MAP2K5: variants seen among roughly 807,000 people sequenced by gnomAD.
MAP2K5 encodes the protein dual specificity mitogen-activated protein kinase kinase 5.
MAP2K5 carries 49 observed loss-of-function variants against 83.1 expected under a neutral mutation model. The observed-to-expected ratio is 0.59, with a 90% confidence interval of 0.47 to 0.75. The LOEUF is 0.75. Ranked by LOEUF, MAP2K5 falls within the 30% of genes least tolerant of loss-of-function variation. MAP2K5 has a pLI of 0.00. For synonymous variants in MAP2K5, 202 were observed against 191.8 expected (o/e 1.05, Z -0.44); for missense variants, 457 against 557.5 (o/e 0.82, Z 1.82).
rs2089639605 is a variant in MAP2K5 at position 67,747,965 on chromosome 15, T to G, written c.1075-266T>G. 2.0e-5 allele frequency among the ~76,000 whole-genome samples: 3 copies of G among 152,228 alleles called. No individual in the cohort carries two copies. The South Asian group carries it at 6.2e-4, about 32-fold the overall frequency. ...ATTTATATCTGAATCGTAAACAGCC[T>G]TTTGAAATGGATTATGGTTTTTCTC... is the stretch of plus-strand genomic sequence containing the variant. On this transcript the variant is annotated intron_variant, in intron 17 of 21. Transcript: ENST00000178640. The surrounding 1 kb of genome is among the most constrained non-coding windows in gnomAD (Gnocchi z 4.1).
At chr15:67,703,927 T>C (rs1223562394) in intron 16 of MAP2K5, among the ~76,000 whole-genome samples, 2 of 152,166 alleles carry the variant, frequency 1.3e-5, no homozygotes, top group Non-Finnish European at 2.9e-5. Flanking sequence ...TATAGTCTTA[T>C]CACATGTGTA....
Position 67,794,742 on chromosome 15 carries a change from T to A in MAP2K5, c.1243-11904T>A, listed in dbSNP as rs916186008. Among the ~76,000 whole-genome samples, 3 of 152,236 alleles carry A rather than the reference T, an allele frequency of 2.0e-5. No individual in the cohort carries two copies. Among genetic ancestry groups the A allele is most frequent in the Non-Finnish European group, 2.9e-5 (2 of 68,046 alleles). ...GTGTCTAGCAATTTTTTCCTCTGTA[T>A]TTTTTGTTGATTTGATAGCAGCAAA... On this transcript the variant is annotated intron_variant, in intron 21 of 21. Coordinates refer to ENST00000178640, the MANE Select transcript of MAP2K5 (RefSeq NM_145160.3). The surrounding 1 kb of genome is among the most constrained non-coding windows in gnomAD (Gnocchi z 4.6).
At chr15:67,791,882 G>A (rs1480709887) in intron 21 of MAP2K5, among the ~76,000 whole-genome samples, 1 of 152,222 alleles carries the variant, frequency 6.6e-6, no homozygotes, top group African/African-American at 2.4e-5. Flanking sequence ...GCAGCTATTA[G>A]GAAGATTCAC....
At chr15:67,624,977 G>A (rs1282776735) in intron 8 of MAP2K5, among the ~76,000 whole-genome samples, 1 of 152,156 alleles carries the variant, frequency 6.6e-6, no homozygotes, top group Non-Finnish European at 1.5e-5. Context: ...TGCATATTCT[G>A]TCGCGGCTCG....
rs529987271 is a variant in MAP2K5 at position 67,736,199 on chromosome 15, A to C, written c.1074+8254A>C. Among the ~76,000 whole-genome samples the C allele has an allele frequency of 6.6e-6, 1 of 152,256 alleles. No individual in the cohort carries two copies. Among genetic ancestry groups the C allele is most frequent in the South Asian group, 2.1e-4 (1 of 4,814 alleles). On this transcript the variant is annotated intron_variant, in intron 17 of 21. Transcript: ENST00000178640. This position sits in a 1 kb window ranked among gnomAD's most constrained non-coding sequence, Gnocchi z 4.3. Reference sequence around the variant, plus strand: ...AAGTGTAGCAGGGACCAGATAAAGAAATTGGGTTTGAGAATTTTGTACATC... The same window carrying C: ...AAGTGTAGCAGGGACCAGATAAAGACATTGGGTTTGAGAATTTTGTACATC...
intron 17 of MAP2K5, among the ~76,000 whole-genome samples, chr15:67,733,303 A>G (rs75650546): frequency 6.6e-6 from 1 of 152,340 alleles, no homozygotes; most frequent in East Asian, 1.9e-4. Context: ...GCTGTTTTTA[A>G]GAATTATTTG....
intron 13 of MAP2K5, among the ~76,000 whole-genome samples, chr15:67,669,204 A>G (rs993513015): frequency 1.1e-4 from 16 of 152,190 alleles, no homozygotes; most frequent in South Asian, 2.1e-4. Flanking sequence ...AAAGATTTCT[A>G]TGATCATAGA....
chr15:67,628,558 A>G (rs2086381904), intron 8 of MAP2K5: 2 of 1,099,440 alleles, frequency 1.8e-6, no homozygotes, highest in Non-Finnish European at 2.7e-6. Context: ...ATATGGAAAA[A>G]TTGAAGTGAT....
At chr15:67,622,850 G>A (rs1596667177) in intron 8 of MAP2K5, among the ~76,000 whole-genome samples, 1 of 152,326 alleles carries the variant, frequency 6.6e-6, no homozygotes, top group Non-Finnish European at 1.5e-5. Context: ...TGTAATCCCA[G>A]CACTTTGGGA....
rs543864685 is a variant in MAP2K5 at position 67,576,085 on chromosome 15, T to A, written c.253-4669T>A. Among the ~76,000 whole-genome samples the A allele has an allele frequency of 1.4e-5, 2 of 145,844 alleles. 1 individual carries two copies. The highest frequency in any genetic ancestry group is 4.2e-4 in the East Asian group (2 of 4,794). ...GTGCACACCACCACGCCTGGCTAATTTTTATATTTTTAGTAGAGACAGGAT... is the reference window on the plus strand; with the variant it reads ...GTGCACACCACCACGCCTGGCTAATATTTATATTTTTAGTAGAGACAGGAT... On this transcript the variant is annotated intron_variant, in intron 3 of 21. Transcript: ENST00000178640.
intron 13 of MAP2K5, among the ~76,000 whole-genome samples, chr15:67,687,117 A>G (rs1693375333): frequency 6.6e-6 from 1 of 152,206 alleles, no homozygotes; most frequent in African/African-American, 2.4e-5. Context: ...TGATTTTTTT[A>G]ATGAGATTTA....
chr15:67,684,982 A>G (rs1161587602), intron 13 of MAP2K5, among the ~76,000 whole-genome samples: 1 of 152,162 alleles, frequency 6.6e-6, no homozygotes, highest in African/African-American at 2.4e-5. Flanking sequence ...TCTAAGATAT[A>G]TGTGTTAAGT....
In MAP2K5 at chr15:67,757,745, T is replaced by G. The variant is rs2089868194; in HGVS notation, c.1134+9144T>G. ...GGCCTGGGCTCTCGGAGGACCACAG[T>G]GACTATCATTTTAACCACTCACATA... On this transcript the variant is annotated intron_variant, in intron 19 of 21. Coordinates refer to ENST00000178640, the MANE Select transcript of MAP2K5 (RefSeq NM_145160.3). This position sits in a 1 kb window ranked among gnomAD's most constrained non-coding sequence, Gnocchi z 4.9. Among the ~76,000 whole-genome samples the G allele has an allele frequency of 6.6e-6, 1 of 152,104 alleles. No homozygotes were observed. The highest frequency in any genetic ancestry group is 1.5e-5 in the Non-Finnish European group (1 of 68,002).
At chr15:67,630,683 A>T (rs1359828465) in intron 8 of MAP2K5, among the ~76,000 whole-genome samples, 1 of 152,240 alleles carries the variant, frequency 6.6e-6, no homozygotes, top group African/African-American at 2.4e-5. Flanking sequence ...ATTACCTCAG[A>T]TAGTTATTTT....
At position 67,790,044 on chromosome 15, in the gene MAP2K5, T is replaced by TG. The variant is rs1368514319; in HGVS notation, c.1243-16597dup. ...ACATTGAGGTTGAATAGCCAATAGC[T>TG]GGGGGTAAACTACAAGAGAGTCGTT... On this transcript the variant is annotated intron_variant, in intron 21 of 21. Transcript: ENST00000178640. The surrounding 1 kb of genome is among the most constrained non-coding windows in gnomAD (Gnocchi z 4.6). 6.6e-6 allele frequency among the ~76,000 whole-genome samples: 1 copy of TG among 152,238 alleles called. No homozygotes were observed. Among genetic ancestry groups the TG allele is most frequent in the African/African-American group, 2.4e-5 (1 of 41,466 alleles).
intron 8 of MAP2K5, among the ~76,000 whole-genome samples, chr15:67,619,937 G>A (rs2086142877): frequency 6.6e-6 from 1 of 152,176 alleles, no homozygotes; most frequent in Admixed American, 6.5e-5. Context: ...AGGCATGGTG[G>A]TTCGCTCCTG....
In MAP2K5 at chr15:67,720,720, A is replaced by G. The variant is rs1194817063; in HGVS notation, c.1045-7196A>G. Among the ~76,000 whole-genome samples the G allele has an allele frequency of 6.6e-6, 1 of 152,202 alleles. No individual in the cohort carries two copies. Among genetic ancestry groups the G allele is most frequent in the African/African-American group, 2.4e-5 (1 of 41,438 alleles). ...GAGCGCTATCAATCACTCAGTGACCATAACTTCCAGTAATTAGTGTATTTT... is the reference window on the plus strand; with the variant it reads ...GAGCGCTATCAATCACTCAGTGACCGTAACTTCCAGTAATTAGTGTATTTT... On this transcript the variant is annotated intron_variant, in intron 16 of 21. Coordinates refer to ENST00000178640, the MANE Select transcript of MAP2K5 (RefSeq NM_145160.3). The surrounding 1 kb of genome is among the most constrained non-coding windows in gnomAD (Gnocchi z 5.7).
Position 67,652,622 on chromosome 15 carries a change from A to G in MAP2K5, c.737-5931A>G, listed in dbSNP as rs2086980069. On this transcript the variant is annotated intron_variant, in intron 11 of 21. Coordinates refer to ENST00000178640, the MANE Select transcript of MAP2K5 (RefSeq NM_145160.3). The surrounding 1 kb of genome is among the most constrained non-coding windows in gnomAD (Gnocchi z 4.2). The stretch of plus-strand genomic sequence containing the variant: ...CTTCAACATTGGGAGTGAGATTTCA[A>G]CATGAGTTTTGAAGGGGACAAATAT... Among the ~76,000 whole-genome samples the G allele has an allele frequency of 1.3e-5, 2 of 152,214 alleles. No individual in the cohort carries two copies. The highest frequency in any genetic ancestry group is 4.8e-5 in the African/African-American group (2 of 41,466).
chr15:67,648,152 T>C (rs1283273086), intron 11 of MAP2K5, among the ~76,000 whole-genome samples: 3 of 152,218 alleles, frequency 2.0e-5, no homozygotes, highest in African/African-American at 7.2e-5. Context: ...GGTTGTGTAG[T>C]CATCACCACT....
Sources: gnomAD v4.1 joint callset for allele counts (sites outside exome capture counted in the v4.1 genomes callset) on GRCh38, gnomAD v4.1.1 for gene constraint, Gnocchi (gnomAD v3.1) non-coding constraint, MANE v1.5 for transcripts, NCBI Gene and HGNC (gene_info 2026-07-23, HGNC 2026-07-21) for gene names.